The following WDFY2 variants were observed in gnomAD, a reference collection of about 807,000 sequenced individuals.
WDFY2 encodes the protein WD repeat and FYVE domain containing 2.
WDFY2 carries 36 observed loss-of-function variants against 56.4 expected under a neutral mutation model. The ratio of observed to expected loss-of-function variants is 0.64; its 90% CI spans 0.49 to 0.84. The LOEUF (loss-of-function observed/expected upper bound fraction) is 0.84, where lower values mean the gene tolerates loss of function less well. WDFY2 is among the 40% of genes least tolerant of loss of function. WDFY2 has a pLI of 0.00. For synonymous variants in WDFY2, 176 were observed against 183.7 expected (o/e 0.96, Z 0.34); for missense variants, 444 against 512.2 (o/e 0.87, Z 1.29).
intron 4 of WDFY2, among the ~76,000 whole-genome samples, chr13:51,709,478 T>A (rs1367690630): frequency 6.6e-6 from 1 of 152,050 alleles, no homozygotes; most frequent in Admixed American, 6.6e-5. Context: ...GCTGTTTCTA[T>A]TTAAAAAATT....
intron 1 of WDFY2, among the ~76,000 whole-genome samples, chr13:51,606,042 C>A (rs1954379881): frequency 6.6e-6 from 1 of 152,156 alleles, no homozygotes; most frequent in African/African-American, 2.4e-5. Flanking sequence ...GTGAAGAAAG[C>A]CAGTAACATC....
chr13:51,632,022 C>A (rs1954962682), intron 1 of WDFY2, among the ~76,000 whole-genome samples: 2 of 151,992 alleles, frequency 1.3e-5, no homozygotes, highest in Non-Finnish European at 1.5e-5. Flanking sequence ...TGTATTTCTT[C>A]TATGTTATAG....
At chr13:51,626,311 C>T (rs1954835294) in intron 1 of WDFY2, among the ~76,000 whole-genome samples, 1 of 152,220 alleles carries the variant, frequency 6.6e-6, no homozygotes, top group Non-Finnish European at 1.5e-5. Context: ...TTTCTGCTCT[C>T]TGTGAGGCCT....
At chr13:51,635,240 C>T (rs1032184165) in intron 1 of WDFY2, among the ~76,000 whole-genome samples, 2 of 152,102 alleles carry the variant, frequency 1.3e-5, no homozygotes, top group Non-Finnish European at 2.9e-5. Flanking sequence ...ACTGCACCCC[C>T]GGCAGGAAGT....
intron 4 of WDFY2, among the ~76,000 whole-genome samples, chr13:51,708,443 T>G (rs1952136022): frequency 6.6e-6 from 1 of 151,952 alleles, no homozygotes; most frequent in African/African-American, 2.4e-5. Flanking sequence ...TGCACCATTG[T>G]ACTCTACCCT....
At chr13:51,719,052 C>G (rs1165023036) in intron 4 of WDFY2, 146 bp from the exon 5 acceptor site, 4 of 1,131,294 alleles carry the variant, frequency 3.5e-6, no homozygotes, top group Non-Finnish European at 5.1e-6. Context: ...CCCACGAGAA[C>G]CACTGTTCTA....
chr13:51,725,639 T>C (rs890792917), intron 5 of WDFY2, among the ~76,000 whole-genome samples: 1 of 152,164 alleles, frequency 6.6e-6, no homozygotes, highest in Admixed American at 6.5e-5. Context: ...TTTTGAGATA[T>C]ATATGTGTAT....
chr13:51,727,626 G>T, intron 5 of WDFY2, 52 bp from the exon 6 acceptor site: 7 of 1,552,008 alleles, frequency 4.5e-6, no homozygotes, highest in South Asian at 3.5e-5. Flanking sequence ...TTTTTTCATT[G>T]TAAATTCCCT....
At chr13:51,639,875 A>G (rs1955123200) in intron 1 of WDFY2, among the ~76,000 whole-genome samples, 2 of 152,194 alleles carry the variant, frequency 1.3e-5, no homozygotes, top group African/African-American at 2.4e-5. Flanking sequence ...TCTCATTGAC[A>G]TATACTACCA....
At chr13:51,593,030 T>C (rs1312191506) in intron 1 of WDFY2, among the ~76,000 whole-genome samples, 4 of 152,214 alleles carry the variant, frequency 2.6e-5, no homozygotes, top group African/African-American at 9.7e-5. Context: ...GCACAGTGAC[T>C]GTTAGTATTT....
chr13:51,585,448 A>T (rs1953918769), intron 1 of WDFY2, among the ~76,000 whole-genome samples: 1 of 152,162 alleles, frequency 6.6e-6, no homozygotes, highest in Admixed American at 6.5e-5. Context: ...CTTGTAACGG[A>T]TCACTGCTGC....
chr13:51,732,162 G>A (rs192276651), intron 6 of WDFY2, among the ~76,000 whole-genome samples: 5 of 151,962 alleles, frequency 3.3e-5, no homozygotes, highest in South Asian at 2.1e-4. Flanking sequence ...ACAGAATCTC[G>A]CTCTGTCGTC....
At chr13:51,620,029 G>A (rs1460924335) in intron 1 of WDFY2, among the ~76,000 whole-genome samples, 3 of 152,110 alleles carry the variant, frequency 2.0e-5, no homozygotes, top group Non-Finnish European at 4.4e-5. Context: ...TAATAATCTG[G>A]GCTGATCCTC....
At chr13:51,759,179 T>A (rs1006507129) in intron 11 of WDFY2, among the ~76,000 whole-genome samples, 1 of 152,196 alleles carries the variant, frequency 6.6e-6, no homozygotes, top group Non-Finnish European at 1.5e-5. Context: ...AGACCCTGTC[T>A]CAAAATAATT....
chr13:51,707,348 G>A (rs536426515), intron 4 of WDFY2, among the ~76,000 whole-genome samples: 1 of 152,192 alleles, frequency 6.6e-6, no homozygotes, highest in African/African-American at 2.4e-5. Context: ...TTGTAGAGAT[G>A]AGGTTTTGCC....
intron 5 of WDFY2, among the ~76,000 whole-genome samples, chr13:51,723,786 A>G (rs1271113692): frequency 6.6e-6 from 1 of 152,108 alleles, no homozygotes; most frequent in Non-Finnish European, 1.5e-5. Flanking sequence ...CGTCCTCCAT[A>G]CCAGCCTTTT....
At chr13:51,744,503 A>T (rs111454398) in intron 7 of WDFY2, among the ~76,000 whole-genome samples, 1 of 152,226 alleles carries the variant, frequency 6.6e-6, no homozygotes, top group Admixed American at 6.5e-5. Context: ...TGCTGCCACC[A>T]TCTTGTAATT....
intron 1 of WDFY2, among the ~76,000 whole-genome samples, chr13:51,627,319 C>G (rs556850772): frequency 6.6e-6 from 1 of 152,186 alleles, no homozygotes; most frequent in Middle Eastern, 3.4e-3. Context: ...TGTTTCAGCC[C>G]TGTTTGTTTT....
intron 1 of WDFY2, among the ~76,000 whole-genome samples, chr13:51,602,560 T>C (rs1954307670): frequency 6.6e-6 from 1 of 152,248 alleles, no homozygotes; most frequent in South Asian, 2.1e-4. Context: ...TTCTCCATTA[T>C]CCCTAATATG....
Sources: gnomAD v4.1 joint callset for allele counts (sites outside exome capture counted in the v4.1 genomes callset) on GRCh38, gnomAD v4.1.1 for gene constraint, MANE v1.5 for transcripts, NCBI Gene and HGNC (gene_info 2026-07-23, HGNC 2026-07-21) for gene names.